Variants in KHDC1 observed in about 807,000 individuals in gnomAD.
The protein encoded by KHDC1 is KH domain containing 1.
KHDC1 carries 21 observed loss-of-function variants against 24.7 expected under a neutral mutation model. The ratio of observed to expected loss-of-function variants is 0.85; its 90% confidence interval spans 0.60 to 1.23. The LOEUF is 1.23. Among genes scored for constraint, KHDC1 ranks in the 50% most tolerant of loss-of-function variants. The probability of loss-of-function intolerance (pLI) is 0.00; values close to 1 mark genes in which losing one functional copy is unlikely to be tolerated. For missense variants in KHDC1, 274 were observed against 298.5 expected, an observed-to-expected ratio of 0.92 and a Z score of 0.61; for synonymous variants, 98 against 111.7, an observed-to-expected ratio of 0.88 and a Z score of 0.77.
Position 73,254,107 on chromosome 6 carries a change from T to C in KHDC1, c.207-11577A>G, listed in dbSNP as rs1246886589. On this transcript the variant is annotated intron_variant, in intron 2 of 4. Transcript: ENST00000370384. ...CAGGAAACCATTAGCAAATATTTTA[T>C]AGGCATGGACTAAGGAGGGCATTCG... Among the ~76,000 whole-genome samples the C allele has an allele frequency of 3.9e-5, 6 of 152,142 alleles. No homozygotes were observed. The East Asian group carries it at 1.2e-3, about 29-fold the overall frequency.
rs1256820948 is a variant in KHDC1, at chr6:73,280,598, G to A, written c.206+11400C>T. Among the ~76,000 whole-genome samples, 9 of 136,430 alleles carry A rather than the reference G, an allele frequency of 6.6e-5. No homozygotes were observed. In the South Asian group the frequency reaches 1.4e-3, roughly 22 times the overall value. The allele number at this position is 136,430 out of a possible 152,430, so 89.5% of individuals were successfully genotyped here. ...TACAATGGCATAATCTCGGCTCACC[G>A]CAACCTCCACCTCCCAGGTTCAAGT... is the stretch of plus-strand genomic sequence containing the variant. On this transcript the variant is annotated intron_variant, in intron 2 of 4. Transcript: ENST00000370384.
chr6:73,305,585 T>C (rs1005349374), intron 1 of KHDC1, among the ~76,000 whole-genome samples: 6 of 152,170 alleles, frequency 3.9e-5, no homozygotes, highest in African/African-American at 1.4e-4. Flanking sequence ...GGTTAACAAA[T>C]AAATTTTTAA....
intron 1 of KHDC1, chr6:73,301,126 G>A (rs1285393697): frequency 1.3e-5 from 2 of 152,104 alleles, no homozygotes; most frequent in African/African-American, 4.8e-5. Flanking sequence ...TGAGGCAGGA[G>A]AATGGCGTGA....
chr6:73,307,605 C>T (rs1767993798), intron 1 of KHDC1, among the ~76,000 whole-genome samples: 1 of 152,152 alleles, frequency 6.6e-6, no homozygotes, highest in East Asian at 1.9e-4. Context: ...TCTTGATCCC[C>T]AGGCCAGCAG....
intron 2 of KHDC1, among the ~76,000 whole-genome samples, chr6:73,264,422 G>A (rs1438575356): frequency 6.6e-6 from 1 of 152,190 alleles, no homozygotes; most frequent in Non-Finnish European, 1.5e-5. Flanking sequence ...ACACAGCCTA[G>A]GAGTCTCAAG....
chr6:73,273,856 C>T (rs554619537), intron 2 of KHDC1, among the ~76,000 whole-genome samples: 15 of 152,260 alleles, frequency 9.9e-5, no homozygotes, highest in African/African-American at 3.6e-4. Flanking sequence ...CAATGGTTCA[C>T]ACCTATAATC....
At chr6:73,242,647 C>A in intron 2 of KHDC1, 117 bp from the exon 2 acceptor site, 1 of 1,268,098 alleles carries the variant, frequency 7.9e-7, no homozygotes, top group Non-Finnish European at 1.1e-6. Context: ...CTTGAACTAC[C>A]TTAGGGTGGG....
chr6:73,282,933 G>A (rs1390483058), intron 2 of KHDC1, among the ~76,000 whole-genome samples: 1 of 152,176 alleles, frequency 6.6e-6, no homozygotes, highest in Non-Finnish European at 1.5e-5. Context: ...CCTGTTCTAC[G>A]TGAATTACTC....
At chr6:73,296,616 A>T (rs1417319530) in intron 1 of KHDC1, among the ~76,000 whole-genome samples, 1 of 152,174 alleles carries the variant, frequency 6.6e-6, no homozygotes, top group African/African-American at 2.4e-5. Flanking sequence ...TTTAATTTAC[A>T]TTTGGATTCA....
At chr6:73,294,721 A>G (rs1287270746) in intron 1 of KHDC1, among the ~76,000 whole-genome samples, 3 of 152,150 alleles carry the variant, frequency 2.0e-5, no homozygotes, top group Non-Finnish European at 4.4e-5. Flanking sequence ...ACCTGCCCAA[A>G]TCTCATGTTG....
At chr6:73,301,745 C>T (rs1057194969) in intron 1 of KHDC1, among the ~76,000 whole-genome samples, 6 of 152,080 alleles carry the variant, frequency 3.9e-5, no homozygotes, top group Non-Finnish European at 7.3e-5. Flanking sequence ...GATACTCCCA[C>T]CTCACCTCCC....
At chr6:73,251,517 T>C (rs1416675043) in intron 2 of KHDC1, among the ~76,000 whole-genome samples, 1 of 152,206 alleles carries the variant, frequency 6.6e-6, no homozygotes, top group Non-Finnish European at 1.5e-5. Flanking sequence ...CCTAAACATG[T>C]ACCAGAAAAA....
At chr6:73,263,180 C>A in intron 2 of KHDC1, 1 of 987,540 alleles carries the variant, frequency 1.0e-6, no homozygotes, top group Non-Finnish European at 1.2e-6. Context: ...CCGCGCGAGG[C>A]GCGCTCGAGC....
intron 2 of KHDC1, among the ~76,000 whole-genome samples, chr6:73,256,111 C>T (rs897791299): frequency 6.6e-6 from 1 of 152,112 alleles, no homozygotes; most frequent in Admixed American, 6.6e-5. Flanking sequence ...ACATTTATCT[C>T]CTTAGGCCTA....
At chr6:73,289,790 T>C (rs1407911113) in intron 2 of KHDC1, among the ~76,000 whole-genome samples, 2 of 151,742 alleles carry the variant, frequency 1.3e-5, no homozygotes, top group Admixed American at 1.3e-4. Flanking sequence ...AAACCCCATC[T>C]CTACTAAAAT....
chr6:73,308,294 T>G (rs1768009905), intron 1 of KHDC1, among the ~76,000 whole-genome samples: 1 of 152,016 alleles, frequency 6.6e-6, no homozygotes. Flanking sequence ...CAGGGTGGTC[T>G]TGATCCCCTG....
At chr6:73,282,114 AG>A (rs1767425085) in intron 2 of KHDC1, among the ~76,000 whole-genome samples, 1 of 149,518 alleles carries the variant, frequency 6.7e-6, no homozygotes, top group South Asian at 2.1e-4. Flanking sequence ...GCTACTCAGG[AG>A]GCTGAGGCAT....
chr6:73,291,173 G>T, intron 2 of KHDC1: 1 of 490,784 alleles, frequency 2.0e-6, no homozygotes, highest in Admixed American at 2.1e-5. Flanking sequence ...GTTCCCTACT[G>T]AAGATTGGAG....
chr6:73,282,436 C>T (rs1352994077), intron 2 of KHDC1, among the ~76,000 whole-genome samples: 1 of 152,028 alleles, frequency 6.6e-6, no homozygotes, highest in Non-Finnish European at 1.5e-5. Context: ...TTTTTCATTC[C>T]TGGGCTTAGG....
Sources: gnomAD v4.1 joint callset for allele counts (sites outside exome capture counted in the v4.1 genomes callset) on GRCh38, gnomAD v4.1.1 for gene constraint, MANE v1.5 for transcripts, NCBI Gene and HGNC (gene_info 2026-07-23, HGNC 2026-07-21) for gene names.